The following AGAP4 variants were observed in gnomAD, a reference collection of about 807,000 sequenced individuals.
AGAP4 encodes arf-GAP with GTPase, ANK repeat and PH domain-containing protein 4.
A neutral mutation model predicts 60.7 loss-of-function variants in AGAP4; 13 were observed. The ratio of observed to expected loss-of-function variants is 0.21; its 90% CI spans 0.14 to 0.34. The LOEUF (loss-of-function observed/expected upper bound fraction) is 0.34, where lower values mean the gene tolerates loss of function less well. Ranked by LOEUF, AGAP4 falls within the 10% of genes least tolerant of loss-of-function variation. The pLI is 1.00. For missense variants in AGAP4, 169 were observed against 884.0 expected, an observed-to-expected ratio of 0.19 and a Z score of 10.26; for synonymous variants, 70 against 339.0, an observed-to-expected ratio of 0.21 and a Z score of 8.72.
intron 4 of AGAP4, among the ~76,000 whole-genome samples, chr10:45,840,136 C>A (rs1251264762): frequency 6.8e-6 from 1 of 147,722 alleles, no homozygotes; most frequent in Non-Finnish European, 1.5e-5. Context: ...AATTTCAGAA[C>A]CTTAGAGAGA....
upstream of AGAP4, among the ~76,000 whole-genome samples, chr10:45,851,059 T>C (rs2917176): frequency 3.3e-5 from 5 of 151,980 alleles, 1 homozygote; most frequent in East Asian, 1.9e-4. Flanking sequence ...GTTACAGCAA[T>C]TGAGGCACCT....
upstream of AGAP4, among the ~76,000 whole-genome samples, chr10:45,849,333 G>A (rs1177150084): frequency 8.6e-5 from 13 of 151,652 alleles, no homozygotes; most frequent in African/African-American, 3.1e-4. Flanking sequence ...CTCCCCCTAG[G>A]CCCCTCCCTC....
At chr10:45,843,928 T>C (rs1476326164) in intron 3 of AGAP4, among the ~76,000 whole-genome samples, 1 of 150,116 alleles carries the variant, frequency 6.7e-6, no homozygotes, top group Non-Finnish European at 1.5e-5. Context: ...CTATGTTTTT[T>C]AATTTGTTTA....
At chr10:45,851,038 T>C (rs1236367661), upstream of AGAP4, among the ~76,000 whole-genome samples, 1 of 152,048 alleles carries the variant, frequency 6.6e-6, no homozygotes, top group South Asian at 2.1e-4. Context: ...TGGAGCAACT[T>C]TGAATCTATG....
At chr10:45,852,746 C>T (rs2059100394) in intron 1 of AGAP4, among the ~76,000 whole-genome samples, 1 of 151,988 alleles carries the variant, frequency 6.6e-6, no homozygotes, top group South Asian at 2.1e-4. Context: ...AGCTCAGTTT[C>T]AGTAACCAGT....
chr10:45,851,171 T>C (rs1432104079), upstream of AGAP4, among the ~76,000 whole-genome samples: 1 of 151,972 alleles, frequency 6.6e-6, no homozygotes, highest in Non-Finnish European at 1.5e-5. Context: ...TGGAGGTGAC[T>C]GCCCTGAGAA....
chr10:45,849,267 A>G (rs1237935548), upstream of AGAP4, among the ~76,000 whole-genome samples: 310 of 151,556 alleles, frequency 2.0e-3, 3 homozygotes, highest in Non-Finnish European at 6.6e-4. Flanking sequence ...TCTCATGAGG[A>G]CTTACTGAAT....
rs1326209973 is a variant in AGAP4, at chr10:45,832,282, T to G, written c.498-853A>C. Among the ~76,000 whole-genome samples the G allele has an allele frequency of 2.7e-5, 4 of 146,810 alleles. 1 individual carries two copies. On this transcript the variant is annotated intron_variant, in intron 5 of 7. Coordinates refer to ENST00000616763, the MANE Select transcript of AGAP4 (RefSeq NM_001276343.3). ...ACATGCTGGAAAGGACCAATGACCTTATGTGACATTTAATTCAACACTCGT... is the reference window on the plus strand; with the variant it reads ...ACATGCTGGAAAGGACCAATGACCTGATGTGACATTTAATTCAACACTCGT...
At chr10:45,830,715 G>A (rs1307171489) in intron 6 of AGAP4, among the ~76,000 whole-genome samples, 2 of 130,144 alleles carry the variant, frequency 1.5e-5, no homozygotes, top group East Asian at 4.6e-4. Context: ...TCGATCTCCT[G>A]ACCTTGTGAT....
In AGAP4 at chr10:45,831,122, C is replaced by T. The variant is rs184506590; in HGVS notation, c.533+272G>A. Among the ~76,000 whole-genome samples, 249 of 100,178 alleles carry T rather than the reference C, an allele frequency of 2.5e-3. 73 individuals are homozygous for T. Among genetic ancestry groups the T allele is most frequent in the African/African-American group, 7.8e-3 (186 of 23,798 alleles). 65.7% of individuals were successfully genotyped at this position (100,178 alleles called of 152,430 possible). On this transcript the variant is annotated intron_variant, in intron 6 of 7. Transcript: ENST00000616763. ...ATCAACAGTGGTAAGGCTGTGAAATCGAAACTAAAAATAGATTTTGAAAAA... is the reference window on the plus strand; with the variant it reads ...ATCAACAGTGGTAAGGCTGTGAAATTGAAACTAAAAATAGATTTTGAAAAA...
chr10:45,848,622 G>A (rs1392812602), upstream of AGAP4, among the ~76,000 whole-genome samples: 2 of 152,230 alleles, frequency 1.3e-5, no homozygotes, highest in South Asian at 2.1e-4. Flanking sequence ...TGACTGCTAA[G>A]GGTGGGGCCA....
intron 4 of AGAP4, among the ~76,000 whole-genome samples, chr10:45,834,705 T>C (rs1401620882): frequency 8.3e-6 from 1 of 120,172 alleles, no homozygotes; most frequent in Non-Finnish European, 1.7e-5. Context: ...AAAAGAAAAG[T>C]TTAAAATAAG....
rs1457742551 is a variant in AGAP4, at chr10:45,834,612, T to C, written c.397-496A>G. On this transcript the variant is annotated intron_variant, in intron 4 of 7. Transcript: ENST00000616763. ...ATGGGGTGAACCCAGGAGGCGGAGC[T>C]TGCAGTGAGCCGAGTTCGCGCCACT... is the stretch of plus-strand genomic sequence containing the variant. Among the ~76,000 whole-genome samples the C allele has an allele frequency of 3.2e-3, 276 of 86,992 alleles. 10 individuals are homozygous for C. The East Asian group carries it at 0.084, about 26-fold the overall frequency. The allele number at this position is 86,992 out of a possible 152,430, so 57.1% of individuals were successfully genotyped here. A position where few individuals can be genotyped will look rare whatever the true frequency, so the allele number is the denominator to read the frequency against.
In AGAP4 at chr10:45,840,166, G is replaced by T. The variant is rs1373732269; in HGVS notation, c.396+1487C>A. Among the ~76,000 whole-genome samples the T allele has an allele frequency of 3.5e-3, 511 of 147,540 alleles. 4 individuals are homozygous for T. Among genetic ancestry groups the T allele is most frequent in the Non-Finnish European group, 4.8e-3 (321 of 66,812 alleles). On this transcript the variant is annotated intron_variant, in intron 4 of 7. Coordinates refer to ENST00000616763, the MANE Select transcript of AGAP4 (RefSeq NM_001276343.3). ...GAGAGAGAGATTCTAAAAAGCTTCC[G>T]CAGATAACTAAAACCTGGTTGTAAA...
chr10:45,853,480 C>T (rs1234461427), intron 1 of AGAP4, among the ~76,000 whole-genome samples: 6 of 151,874 alleles, frequency 4.0e-5, no homozygotes, highest in Admixed American at 2.0e-4. Context: ...CCTAGCTGTG[C>T]TGACACTGAC....
intron 4 of AGAP4, among the ~76,000 whole-genome samples, chr10:45,835,005 C>T (rs1349940102): frequency 6.8e-6 from 1 of 146,494 alleles, no homozygotes; most frequent in Non-Finnish European, 1.5e-5. Flanking sequence ...GATCTCCTCA[C>T]CTCGCGATCT....
exon 1 of AGAP4, chr10:45,853,789 C>A (rs1564867517): frequency 7.8e-7 from 1 of 1,287,662 alleles, no homozygotes; most frequent in South Asian, 1.2e-5. Flanking sequence ...GTGAAGGCAT[C>A]TTAGACAAGA....
At chr10:45,853,092 A>G (rs2059103976) in intron 1 of AGAP4, among the ~76,000 whole-genome samples, 2 of 151,774 alleles carry the variant, frequency 1.3e-5, no homozygotes, top group Non-Finnish European at 2.9e-5. Flanking sequence ...CTAAGAGAAC[A>G]GAAAAAATGA....
At chr10:45,841,386 G>A (rs879952668) in intron 4 of AGAP4, 25,261 of 332,974 alleles carry the variant, frequency 0.076, 1,052 homozygotes, top group Non-Finnish European at 0.087. Context: ...ACAGACGTTA[G>A]CCACCATGCC....
Sources: gnomAD v4.1 joint callset for allele counts (sites outside exome capture counted in the v4.1 genomes callset) on GRCh38, gnomAD v4.1.1 for gene constraint, MANE v1.5 for transcripts, NCBI Gene and HGNC (gene_info 2026-07-23, HGNC 2026-07-21) for gene names.